Variants in HMGA2 observed in about 807,000 individuals in gnomAD.
HMGA2 encodes high mobility group AT-hook 2.
Under a neutral mutation model 19.1 loss-of-function variants are expected in HMGA2, and 8 were observed. The ratio of observed to expected loss-of-function variants is 0.42; its 90% CI spans 0.25 to 0.76. The LOEUF (loss-of-function observed/expected upper bound fraction) is 0.76. Among genes scored for constraint, HMGA2 ranks in the 30% least tolerant of loss-of-function variants. The probability of loss-of-function intolerance (pLI) is 0.28; values close to 1 mark genes in which losing one functional copy is unlikely to be tolerated. For missense variants in HMGA2, 109 were observed against 136.3 expected (o/e 0.80, Z 1.00); for synonymous variants, 60 against 48.8 (o/e 1.23, Z -0.96).
intron 3 of HMGA2, among the ~76,000 whole-genome samples, chr12:65,890,154 G>T (rs919353503): frequency 6.6e-6 from 1 of 152,120 alleles, no homozygotes; most frequent in Non-Finnish European, 1.5e-5. Flanking sequence ...AAATCATTAT[G>T]CCACAAAGTT....
chr12:65,879,262 G>T (rs1038841683), intron 3 of HMGA2, among the ~76,000 whole-genome samples: 8 of 152,044 alleles, frequency 5.3e-5, no homozygotes, highest in African/African-American at 1.9e-4. Flanking sequence ...CAAGTAGCTG[G>T]GACTACAGGC....
intron 3 of HMGA2, among the ~76,000 whole-genome samples, chr12:65,889,225 T>C (rs1041292622): frequency 6.6e-6 from 1 of 152,212 alleles, no homozygotes; most frequent in Non-Finnish European, 1.5e-5. Flanking sequence ...TTTTTGGAAT[T>C]AATACAGGAT....
At chr12:65,848,617 G>C (rs533699642) in intron 3 of HMGA2, among the ~76,000 whole-genome samples, 1 of 152,190 alleles carries the variant, frequency 6.6e-6, no homozygotes, top group Non-Finnish European at 1.5e-5. Context: ...AGCACTTTGG[G>C]AGGCCGAGGC....
chr12:65,842,929 T>C (rs1311691266), intron 3 of HMGA2: 2 of 1,148,382 alleles, frequency 1.7e-6, no homozygotes, highest in South Asian at 4.0e-5. Context: ...ATGTATAAAA[T>C]CCTCCATCCA....
chr12:65,849,338 T>C (rs1369089007), intron 3 of HMGA2, among the ~76,000 whole-genome samples: 1 of 152,178 alleles, frequency 6.6e-6, no homozygotes, highest in Non-Finnish European at 1.5e-5. Context: ...CATCTCTGTG[T>C]CCCCTCATTC....
chr12:65,850,978 T>A (rs61921576), intron 3 of HMGA2, among the ~76,000 whole-genome samples: 316 of 152,330 alleles, frequency 2.1e-3, no homozygotes, highest in Non-Finnish European at 3.9e-3. Context: ...GTCTTGTTCT[T>A]AATGGTGACA....
chr12:65,948,689 G>A (rs1267453854), intron 3 of HMGA2, among the ~76,000 whole-genome samples: 1 of 152,200 alleles, frequency 6.6e-6, no homozygotes, highest in East Asian at 1.9e-4. Context: ...TTTGTTTGGT[G>A]GTCTGAAAAG....
intron 3 of HMGA2, among the ~76,000 whole-genome samples, chr12:65,933,897 A>G (rs570581199): frequency 6.6e-6 from 1 of 152,272 alleles, no homozygotes; most frequent in Non-Finnish European, 1.5e-5. Flanking sequence ...AGCAATGCCA[A>G]CGTAGACCAA....
At chr12:65,889,226 A>C (rs1425130102) in intron 3 of HMGA2, among the ~76,000 whole-genome samples, 2 of 152,170 alleles carry the variant, frequency 1.3e-5, no homozygotes, top group African/African-American at 4.8e-5. Flanking sequence ...TTTTGGAATT[A>C]ATACAGGATC....
chr12:65,940,401 T>C (rs1237580649), intron 3 of HMGA2, among the ~76,000 whole-genome samples: 1 of 152,210 alleles, frequency 6.6e-6, no homozygotes, highest in African/African-American at 2.4e-5. Context: ...AATAGTATTC[T>C]AGTGCTGATT....
intron 3 of HMGA2, among the ~76,000 whole-genome samples, chr12:65,887,865 C>A (rs1873724969): frequency 7.0e-6 from 1 of 142,420 alleles, no homozygotes; most frequent in Non-Finnish European, 1.5e-5. Flanking sequence ...TATTAGCCTG[C>A]CACAGGCAAA....
At chr12:65,920,944 C>A (rs1001655156) in intron 3 of HMGA2, among the ~76,000 whole-genome samples, 1 of 152,188 alleles carries the variant, frequency 6.6e-6, no homozygotes, top group Non-Finnish European at 1.5e-5. Flanking sequence ...CACAAGAAGA[C>A]AGGAAAATGT....
intron 3 of HMGA2, among the ~76,000 whole-genome samples, chr12:65,883,798 C>A (rs1488548784): frequency 6.6e-6 from 1 of 152,168 alleles, no homozygotes; most frequent in Non-Finnish European, 1.5e-5. Context: ...TTGTTATTTT[C>A]ATACCTATGC....
At chr12:65,926,233 T>C (rs1400336327) in intron 3 of HMGA2, among the ~76,000 whole-genome samples, 1 of 152,208 alleles carries the variant, frequency 6.6e-6, no homozygotes, top group African/African-American at 2.4e-5. Context: ...CAGTGGAGTC[T>C]TGTGGTTGAG....
chr12:65,854,464 C>T (rs975561286), intron 3 of HMGA2, among the ~76,000 whole-genome samples: 5 of 152,086 alleles, frequency 3.3e-5, no homozygotes, highest in Admixed American at 2.6e-4. Flanking sequence ...CCATTCATCG[C>T]GATTAGATTT....
intron 3 of HMGA2, among the ~76,000 whole-genome samples, chr12:65,898,732 G>A (rs141854763): frequency 1.3e-5 from 2 of 152,156 alleles, no homozygotes; most frequent in South Asian, 2.1e-4. Flanking sequence ...GCCAAATCAT[G>A]TTACGATTAT....
chr12:65,889,240 G>C (rs933949479), intron 3 of HMGA2, among the ~76,000 whole-genome samples: 1 of 152,146 alleles, frequency 6.6e-6, no homozygotes, highest in African/African-American at 2.4e-5. Context: ...CAGGATCACT[G>C]TTTGTTCTCC....
chr12:65,865,561 A>ACATTTCTC (rs1323980317), intron 3 of HMGA2, among the ~76,000 whole-genome samples: 1 of 152,062 alleles, frequency 6.6e-6, no homozygotes, highest in South Asian at 2.1e-4. Context: ...TGCTAGAATA[A>ACATTTCTC]CATTTCTCCA....
intron 3 of HMGA2, among the ~76,000 whole-genome samples, chr12:65,849,235 G>C (rs1023302698): frequency 2.0e-5 from 3 of 152,116 alleles, no homozygotes; most frequent in Non-Finnish European, 4.4e-5. Context: ...TCCAACTTCA[G>C]TATTCCTTAA....
Sources: gnomAD v4.1 joint callset for allele counts (sites outside exome capture counted in the v4.1 genomes callset) on GRCh38, gnomAD v4.1.1 for gene constraint, MANE v1.5 for transcripts, NCBI Gene and HGNC (gene_info 2026-07-23, HGNC 2026-07-21) for gene names.